Variants in CEP89 observed in about 807,000 individuals in gnomAD.
CEP89 encodes centrosomal protein of 89 kDa.
Under a neutral mutation model 97.6 loss-of-function variants are expected in CEP89, and 95 were observed. That is an observed-to-expected ratio of 0.97 (90% confidence interval 0.82 to 1.15). CEP89 has a LOEUF of 1.15. Among genes scored for constraint, CEP89 ranks in the 50% most tolerant of loss-of-function variants. CEP89 has a pLI of 0.00. For missense variants in CEP89, 869 were observed against 947.7 expected (o/e 0.92, Z 1.09); for synonymous variants, 354 against 349.1 (o/e 1.01, Z -0.16).
In CEP89 at chr19:32,887,737, C is replaced by CA; in HGVS notation, c.1965+14dup. On this transcript the variant is annotated intron_variant, in intron 17 of 18. Transcript: ENST00000305768. ...CATCTGAAAATGAAATCTCTGAGGCCAAATAACCACTTACCTTGACTTTTT... is the reference window on the plus strand; with the variant it reads ...CATCTGAAAATGAAATCTCTGAGGCCAAAATAACCACTTACCTTGACTTTTT... 6.4e-7 allele frequency: 1 copy of CA among 1,557,016 alleles called. No homozygotes were observed. Among genetic ancestry groups the CA allele is most frequent in the Non-Finnish European group, 8.9e-7 (1 of 1,128,842 alleles).
At chr19:32,927,730 G>T (rs1970390945) in intron 9 of CEP89, among the ~76,000 whole-genome samples, 2 of 151,680 alleles carry the variant, frequency 1.3e-5, no homozygotes, top group Admixed American at 1.3e-4. Flanking sequence ...TCAGCCTCCT[G>T]AGCAGCTCAG....
At position 32,959,932 on chromosome 19, in the gene CEP89, C is replaced by T. The variant is rs1971129787; in HGVS notation, c.273G>A (p.Glu91=). 2 of 1,614,208 alleles carry T rather than the reference C, an allele frequency of 1.2e-6. No homozygotes were observed. Among genetic ancestry groups the T allele is most frequent in the Non-Finnish European group, 1.7e-6 (2 of 1,180,040 alleles). ...TCAGCTGTGAGGTGGTGGCATAGGGCTCGATGAAGCTGTCCTGTTCAACAC... is the reference window on the plus strand; with the variant it reads ...TCAGCTGTGAGGTGGTGGCATAGGGTTCGATGAAGCTGTCCTGTTCAACAC... ...VSSVEQDSFI[E]PYATTSQLRP... The change falls in exon 3 of 19, where the codon GAG becomes GAA. Residue 91 remains glutamate (E), a synonymous_variant. Transcript: ENST00000305768.
chr19:32,957,567 T>C (rs1187410637), intron 3 of CEP89, among the ~76,000 whole-genome samples: 3 of 152,172 alleles, frequency 2.0e-5, no homozygotes, highest in East Asian at 1.9e-4. Context: ...CCCAGCACTT[T>C]GGGAGGTCAA....
chr19:32,897,559 G>A (rs1969669230), intron 16 of CEP89, among the ~76,000 whole-genome samples: 1 of 152,122 alleles, frequency 6.6e-6, no homozygotes, highest in Non-Finnish European at 1.5e-5. Context: ...AATACATTTA[G>A]AGGGTCCTGA....
chr19:32,889,963 G>C (rs755988950), intron 16 of CEP89, among the ~76,000 whole-genome samples: 1 of 152,064 alleles, frequency 6.6e-6, no homozygotes, highest in Non-Finnish European at 1.5e-5. Flanking sequence ...GAGGGGCAGC[G>C]CTGGGCCAGA....
intron 14 of CEP89, among the ~76,000 whole-genome samples, chr19:32,910,061 G>C (rs957488669): frequency 2.0e-5 from 3 of 152,200 alleles, no homozygotes; most frequent in African/African-American, 4.8e-5. Flanking sequence ...AGGAGTTCAA[G>C]ACCAGCCTGG....
intron 6 of CEP89, among the ~76,000 whole-genome samples, chr19:32,938,324 G>A (rs1599758784): frequency 6.6e-6 from 1 of 152,238 alleles, no homozygotes; most frequent in East Asian, 1.9e-4. Context: ...GAGCAGAGAT[G>A]CCCTCAGCAA....
chr19:32,923,562 A>C lies in CEP89; in HGVS notation c.1165-20T>G. The C allele has an allele frequency of 4.2e-6, 6 of 1,412,462 alleles. No individual in the cohort carries two copies. The highest frequency in any genetic ancestry group is 6.0e-6 in the Non-Finnish European group (6 of 997,142). 87.5% of individuals were successfully genotyped at this position (1,412,462 alleles called of 1,614,324 possible). A position where few individuals can be genotyped will look rare whatever the true frequency, so the allele number is the denominator to read the frequency against. Reference sequence around the variant, plus strand: ...TTCCTCCTGAAATAAAATGTACGTAAATTATAACACACACATACCCACGCA... The same window carrying C: ...TTCCTCCTGAAATAAAATGTACGTACATTATAACACACACATACCCACGCA... On this transcript the variant is annotated intron_variant, in intron 11 of 18. Transcript: ENST00000305768.
intron 12 of CEP89, among the ~76,000 whole-genome samples, chr19:32,920,732 C>T (rs1202413213): frequency 3.3e-5 from 5 of 152,048 alleles, no homozygotes; most frequent in East Asian, 1.9e-4. Context: ...GATCCTCCTG[C>T]CTCAGTCTCC....
At position 32,936,009 on chromosome 19, in the gene CEP89, G is replaced by A. The variant is rs1970573138; in HGVS notation, c.667+1622C>T. The stretch of plus-strand genomic sequence containing the variant: ...GAGCCCTGCCCCTTCTGAGTTGGTG[G>A]GGCAGGAGCTCATGGGGTGCTGCTA... On this transcript the variant is annotated intron_variant, in intron 7 of 18. Coordinates refer to ENST00000305768, the MANE Select transcript of CEP89 (RefSeq NM_032816.5). The surrounding 1 kb of genome is among the most constrained non-coding windows in gnomAD (Gnocchi z 4.5). Among the ~76,000 whole-genome samples, 1 of 152,170 alleles carries A rather than the reference G, an allele frequency of 6.6e-6. No individual in the cohort carries two copies. Among genetic ancestry groups the A allele is most frequent in the Non-Finnish European group, 1.5e-5 (1 of 68,008 alleles).
rs1403678910 is a variant in CEP89 at position 32,936,776 on chromosome 19, GAGA to G, written c.667+852_667+854del. ...GAGCTGGTCAGAATAACCAGCTGCA[GAGA>G]AGAACAACCCTCTCCAGGGCTTCCT... On this transcript the variant is annotated intron_variant, in intron 7 of 18. Coordinates refer to ENST00000305768, the MANE Select transcript of CEP89 (RefSeq NM_032816.5). This position sits in a 1 kb window ranked among gnomAD's most constrained non-coding sequence, Gnocchi z 4.5. Among the ~76,000 whole-genome samples, 1 of 152,270 alleles carries G rather than the reference GAGA, an allele frequency of 6.6e-6. No individual in the cohort carries two copies. Among genetic ancestry groups the G allele is most frequent in the South Asian group, 2.1e-4 (1 of 4,824 alleles).
intron 16 of CEP89, among the ~76,000 whole-genome samples, chr19:32,897,824 A>C (rs1214740647): frequency 1.3e-5 from 2 of 152,190 alleles, no homozygotes; most frequent in Admixed American, 1.3e-4. Flanking sequence ...AGTTTCTCAA[A>C]GTACTGGAAT....
chr19:32,929,551 G>C (rs896541589), intron 9 of CEP89, among the ~76,000 whole-genome samples: 1 of 151,816 alleles, frequency 6.6e-6, no homozygotes, highest in Non-Finnish European at 1.5e-5. Flanking sequence ...GCAGTGAGCT[G>C]AGATTGTGCA....
chr19:32,937,045 G>A (rs1443802671), intron 7 of CEP89: 2 of 156,276 alleles, frequency 1.3e-5, no homozygotes, highest in African/African-American at 4.8e-5. Flanking sequence ...CAAGAACTCA[G>A]GCAAAGGCAC....
chr19:32,911,358 C>CA (rs1424666965), intron 14 of CEP89, among the ~76,000 whole-genome samples: 1 of 152,182 alleles, frequency 6.6e-6, no homozygotes, highest in African/African-American at 2.4e-5. Flanking sequence ...TCTACTACAA[C>CA]AAAAAAGCAC....
chr19:32,901,177 T>C (rs2145888251), intron 15 of CEP89, 68 bp downstream of exon 15: 1 of 1,492,422 alleles, frequency 6.7e-7, no homozygotes, highest in Admixed American at 1.9e-5. Flanking sequence ...TGAGCCACTG[T>C]ACCCAGACCA....
At chr19:32,940,251 C>G (rs1322548757) in intron 5 of CEP89, among the ~76,000 whole-genome samples, 1 of 127,134 alleles carries the variant, frequency 7.9e-6, no homozygotes, top group African/African-American at 3.0e-5. Flanking sequence ...CTCCTTCCAA[C>G]ACTCCTCCCC....
At chr19:32,916,402 A>C (rs1970128004) in intron 13 of CEP89, among the ~76,000 whole-genome samples, 1 of 152,224 alleles carries the variant, frequency 6.6e-6, no homozygotes, top group African/African-American at 2.4e-5. Flanking sequence ...GTCTTCAAGG[A>C]ACTGACTTTC....
intron 9 of CEP89, among the ~76,000 whole-genome samples, chr19:32,929,599 T>A (rs1382956051): frequency 1.4e-5 from 2 of 142,006 alleles, no homozygotes; most frequent in African/African-American, 5.3e-5. Context: ...AGAGACTGTG[T>A]CTAAAAAAAA....
Sources: gnomAD v4.1 joint callset for allele counts (sites outside exome capture counted in the v4.1 genomes callset) on GRCh38, gnomAD v4.1.1 for gene constraint, Gnocchi (gnomAD v3.1) non-coding constraint, MANE v1.5 for transcripts, NCBI Gene and HGNC (gene_info 2026-07-23, HGNC 2026-07-21) for gene names.